The following GPHN variants were observed in gnomAD, a reference collection of about 807,000 sequenced individuals.
The protein encoded by GPHN is gephyrin.
Under a neutral mutation model 95.5 loss-of-function variants are expected in GPHN, and 17 were observed. The ratio of observed to expected loss-of-function variants is 0.18; its 90% CI spans 0.12 to 0.27. The LOEUF is 0.27. Ranked by LOEUF, GPHN falls within the 10% of genes least tolerant of loss-of-function variation. GPHN has a pLI of 1.00. For missense variants in GPHN, 660 were observed against 978.1 expected, an observed-to-expected ratio of 0.67 and a Z score of 4.34; for synonymous variants, 320 against 322.5, an observed-to-expected ratio of 0.99 and a Z score of 0.08.
the GPHN span, among the ~76,000 whole-genome samples, chr14:67,329,653 C>T: frequency 1.7e-3 from 257 of 151,828 alleles, 7 homozygotes; most frequent in East Asian, 0.042. Context: ...ATACGGCGGA[C>T]GCATCACTTG....
At chr14:67,455,219 C>T in the GPHN span, among the ~76,000 whole-genome samples, 1 of 152,194 alleles carries the variant, frequency 6.6e-6, no homozygotes. Flanking sequence ...AAGGTGCTGG[C>T]CAGGTCTGGC....
intron 5 of GPHN, among the ~76,000 whole-genome samples, chr14:66,896,277 A>G (rs1320009986): frequency 1.3e-5 from 2 of 152,178 alleles, no homozygotes; most frequent in Admixed American, 1.3e-4. Flanking sequence ...AAAATATGTT[A>G]GAATTCTTGA....
intron 1 of GPHN, among the ~76,000 whole-genome samples, chr14:66,518,573 T>C (rs2058348658): frequency 6.6e-6 from 1 of 152,134 alleles, no homozygotes; most frequent in Admixed American, 6.5e-5. Context: ...AGCTAAGATA[T>C]AGACTCAATC....
chr14:66,655,019 T>C (rs2065234251), intron 1 of GPHN, among the ~76,000 whole-genome samples: 1 of 152,172 alleles, frequency 6.6e-6, no homozygotes, highest in Admixed American at 6.5e-5. Flanking sequence ...TCTTTATTAT[T>C]ATATCTGTAT....
intron 5 of GPHN, among the ~76,000 whole-genome samples, chr14:66,898,153 A>G (rs2064950170): frequency 6.6e-6 from 1 of 151,824 alleles, no homozygotes; most frequent in Admixed American, 6.6e-5. Context: ...CAGTCAATAC[A>G]TTGTCTTTTT....
At chr14:67,199,952 CAGG>C in the GPHN span, 201 of 1,321,932 alleles carry the variant, frequency 1.5e-4, no homozygotes, top group Middle Eastern at 5.3e-4. Flanking sequence ...CCATTCCCAC[CAGG>C]AGGAGTGCCC....
chr14:66,683,134 G>T (rs1316635087), intron 2 of GPHN, among the ~76,000 whole-genome samples: 1 of 150,772 alleles, frequency 6.6e-6, no homozygotes, highest in African/African-American at 2.4e-5. Context: ...TTATCCTCTT[G>T]GATTAGTCTA....
At chr14:67,722,706 A>G in the GPHN span, 1 of 1,613,432 alleles carries the variant, frequency 6.2e-7, no homozygotes, top group Non-Finnish European at 8.5e-7. Context: ...AGCTCCATCC[A>G]TCAGGTTTGT....
the GPHN span, among the ~76,000 whole-genome samples, chr14:67,395,767 G>A: frequency 1.3e-5 from 2 of 152,186 alleles, no homozygotes; most frequent in Admixed American, 6.5e-5. Flanking sequence ...GGAAGCTTGC[G>A]GCCTCACACT....
At chr14:67,619,938 C>A in the GPHN span, 1 of 1,398,658 alleles carries the variant, frequency 7.1e-7, no homozygotes, top group Non-Finnish European at 9.6e-7. Context: ...CTTCCAACCG[C>A]GCGGAGCCTC....
intron 9 of GPHN, among the ~76,000 whole-genome samples, chr14:67,004,342 C>T (rs1452878799): frequency 2.6e-5 from 4 of 151,552 alleles, no homozygotes; most frequent in African/African-American, 9.7e-5. Flanking sequence ...CTGAAACTAC[C>T]AGTAGGTCAT....
chr14:67,087,329 T>A (rs866471985), intron 11 of GPHN, among the ~76,000 whole-genome samples: 1 of 152,170 alleles, frequency 6.6e-6, no homozygotes, highest in Non-Finnish European at 1.5e-5. Flanking sequence ...GACAAACTAC[T>A]TCCAGATAAG....
chr14:66,715,765 A>C (rs2070116545), intron 2 of GPHN, among the ~76,000 whole-genome samples: 1 of 152,124 alleles, frequency 6.6e-6, no homozygotes, highest in Non-Finnish European at 1.5e-5. Context: ...CAGGTTATTT[A>C]ATTTCCATGG....
At chr14:66,713,959 G>A (rs2069916008) in intron 2 of GPHN, among the ~76,000 whole-genome samples, 1 of 152,098 alleles carries the variant, frequency 6.6e-6, no homozygotes, top group Non-Finnish European at 1.5e-5. Flanking sequence ...AGTAGAGACA[G>A]GGTTTCACCA....
chr14:67,032,083 G>A (rs1466507107), intron 10 of GPHN, among the ~76,000 whole-genome samples: 1 of 152,182 alleles, frequency 6.6e-6, no homozygotes, highest in Non-Finnish European at 1.5e-5. Context: ...CATTGAAATG[G>A]ATAAGAACTG....
chr14:67,549,719 A>G, the GPHN span, among the ~76,000 whole-genome samples: 1 of 152,224 alleles, frequency 6.6e-6, no homozygotes, highest in Non-Finnish European at 1.5e-5. Flanking sequence ...TCCAGGCTGC[A>G]TCCCTGAAGG....
chr14:67,326,221 ATTTTTT>A, the GPHN span, among the ~76,000 whole-genome samples: 26 of 12,898 alleles, frequency 2.0e-3, no homozygotes, highest in African/African-American at 5.3e-3. Context: ...TTTAGGTCTG[ATTTTTT>A]TTTTTTTTTT....
chr14:66,641,525 G>GT (rs1429928955), intron 1 of GPHN, among the ~76,000 whole-genome samples: 1 of 152,030 alleles, frequency 6.6e-6, no homozygotes, highest in African/African-American at 2.4e-5. Context: ...CATGCACATA[G>GT]TGAGATAGTA....
the GPHN span, among the ~76,000 whole-genome samples, chr14:67,209,218 C>T: frequency 6.6e-6 from 1 of 152,166 alleles, no homozygotes. Context: ...GTCCATATCT[C>T]ATGGAGTGTT....
Sources: gnomAD v4.1 joint callset for allele counts (sites outside exome capture counted in the v4.1 genomes callset) on GRCh38, gnomAD v4.1.1 for gene constraint, MANE v1.5 for transcripts, NCBI Gene and HGNC (gene_info 2026-07-23, HGNC 2026-07-21) for gene names.